The following PPP2R2B variants were observed in gnomAD, a reference collection of about 807,000 sequenced individuals.
PPP2R2B encodes serine/threonine-protein phosphatase 2A 55 kDa regulatory subunit B beta isoform.
In PPP2R2B, 5 loss-of-function variants were observed where a neutral mutation model predicts 46.0. The observed-to-expected ratio is 0.11, with a 90% CI of 0.06 to 0.23. PPP2R2B has a LOEUF of 0.23. Among genes scored for constraint, PPP2R2B ranks in the 10% least tolerant of loss-of-function variants. The pLI, the probability that PPP2R2B is intolerant of heterozygous loss-of-function variation, is 1.00. For missense variants in PPP2R2B, 367 were observed against 575.0 expected (o/e 0.64, Z 3.70); for synonymous variants, 215 against 206.7 (o/e 1.04, Z -0.34).
chr5:146,779,080 C>T (rs1291878137), intron 2 of PPP2R2B, among the ~76,000 whole-genome samples: 1 of 152,160 alleles, frequency 6.6e-6, no homozygotes, highest in Non-Finnish European at 1.5e-5. Flanking sequence ...TGAGCCAATC[C>T]ATCTGGGAAA....
chr5:147,064,966 T>C (rs1757377764), intron 2 of PPP2R2B, among the ~76,000 whole-genome samples: 1 of 152,220 alleles, frequency 6.6e-6, no homozygotes, highest in African/African-American at 2.4e-5. Flanking sequence ...CTAGTATTCT[T>C]TCATTTACTT....
intron 2 of PPP2R2B, among the ~76,000 whole-genome samples, chr5:147,078,653 A>G (rs1051829821): frequency 1.3e-5 from 2 of 151,964 alleles, no homozygotes; most frequent in African/African-American, 4.8e-5. Flanking sequence ...AAAATTAAAA[A>G]AAAATAAGCT....
intron 2 of PPP2R2B, among the ~76,000 whole-genome samples, chr5:146,801,490 G>T (rs1756863163): frequency 6.6e-6 from 1 of 152,046 alleles, no homozygotes; most frequent in African/African-American, 2.4e-5. Context: ...AAAGAATAGG[G>T]CCCCTTTATA....
Position 146,958,005 on chromosome 5 carries a change from G to A in PPP2R2B, c.79+97660C>T, listed in dbSNP as rs572196454. Among the ~76,000 whole-genome samples the A allele has an allele frequency of 1.1e-4, 16 of 152,068 alleles. 1 individual carries two copies. In the South Asian group the frequency reaches 1.7e-3, roughly 16 times the overall value. ...AACCTAGGACTGACAGAAAAGGGTC[G>A]AATAATGAGGGAAGTAGGAAAATCT... On this transcript the variant is annotated intron_variant, in intron 1 of 8. Coordinates refer to the PPP2R2B transcript ENST00000336640.
intron 2 of PPP2R2B, among the ~76,000 whole-genome samples, chr5:146,868,530 C>T (rs990393255): frequency 1.3e-5 from 2 of 152,164 alleles, no homozygotes; most frequent in East Asian, 3.9e-4. Flanking sequence ...CTTCCCTCCC[C>T]CATCTTCAAC....
At chr5:146,812,614 T>TTA (rs539834095) in intron 2 of PPP2R2B, among the ~76,000 whole-genome samples, 2 of 14,756 alleles carry the variant, frequency 1.4e-4, no homozygotes, top group Admixed American at 1.1e-3. Flanking sequence ...TAGAGTTACT[T>TTA]TATATATATA....
At chr5:146,865,309 C>CAA (rs1319762275) in intron 2 of PPP2R2B, among the ~76,000 whole-genome samples, 1 of 151,902 alleles carries the variant, frequency 6.6e-6, no homozygotes, top group Non-Finnish European at 1.5e-5. Flanking sequence ...CACACACACA[C>CAA]ACACACACAC....
Position 146,878,349 on chromosome 5 carries a change from C to T in PPP2R2B, c.-124-154G>A, listed in dbSNP as rs1043240224. ...TTCCCAGCGAGGATGCTGCGCCTGC[C>T]TCCGCTGCCTCCGGGTGCCAAGATA... On this transcript the variant is annotated intron_variant, in intron 1 of 9. Transcript: ENST00000394411. The surrounding 1 kb of genome is among the most constrained non-coding windows in gnomAD (Gnocchi z 4.5). 5.6e-6 allele frequency: 8 copies of T among 1,436,354 alleles called. No homozygotes were observed. The highest frequency in any genetic ancestry group is 7.3e-6 in the Non-Finnish European group (8 of 1,101,792). 89.0% of individuals were successfully genotyped at this position (1,436,354 alleles called of 1,614,324 possible).
At chr5:146,874,394 T>G (rs1248340029) in intron 2 of PPP2R2B, among the ~76,000 whole-genome samples, 1 of 152,326 alleles carries the variant, frequency 6.6e-6, no homozygotes, top group Non-Finnish European at 1.5e-5. Context: ...AGACAGTTTT[T>G]TAAAAAGGCT....
intron 1 of PPP2R2B, among the ~76,000 whole-genome samples, chr5:147,048,023 T>G (rs1756620591): frequency 6.6e-6 from 1 of 152,166 alleles, no homozygotes; most frequent in African/African-American, 2.4e-5. Context: ...CTGAGATTCC[T>G]GGGGCCCAGT....
chr5:146,994,648 T>G (rs924838204), intron 1 of PPP2R2B, among the ~76,000 whole-genome samples: 2 of 152,022 alleles, frequency 1.3e-5, no homozygotes, highest in Non-Finnish European at 2.9e-5. Flanking sequence ...CTCCCAGGAG[T>G]GTTAATTCCC....
chr5:146,877,882 C>T (rs1761990380), intron 2 of PPP2R2B, 120 bp downstream of exon 2: 10 of 1,224,598 alleles, frequency 8.2e-6, no homozygotes, highest in Non-Finnish European at 1.1e-5. Context: ...AGCCGAGCCC[C>T]CGCCCCAGCC....
At chr5:146,738,036 T>C (rs1020915971) in intron 2 of PPP2R2B, among the ~76,000 whole-genome samples, 1 of 152,078 alleles carries the variant, frequency 6.6e-6, no homozygotes, top group African/African-American at 2.4e-5. Context: ...CAACACATGA[T>C]TGTCACTCTC....
intron 7 of PPP2R2B, among the ~76,000 whole-genome samples, chr5:146,631,605 C>G (rs1774428039): frequency 6.6e-6 from 1 of 152,190 alleles, no homozygotes; most frequent in Admixed American, 6.5e-5. Context: ...TGGGGAACCT[C>G]TCCCTTCAAG....
intron 7 of PPP2R2B, 107 bp downstream of exon 7, chr5:146,638,144 C>T: frequency 8.5e-7 from 1 of 1,181,304 alleles, no homozygotes; most frequent in African/African-American, 1.5e-5. Context: ...AGTTTCTTTA[C>T]TCCTAGTGTG....
At chr5:147,034,511 A>C (rs969419570) in intron 1 of PPP2R2B, among the ~76,000 whole-genome samples, 3 of 152,160 alleles carry the variant, frequency 2.0e-5, no homozygotes, top group African/African-American at 7.2e-5. Flanking sequence ...TCAAGCTCTC[A>C]TGCCACTGCT....
At chr5:146,701,205 T>C (rs756272925) in intron 2 of PPP2R2B, 63 bp from the exon 3 acceptor site, 76 of 1,313,576 alleles carry the variant, frequency 5.8e-5, no homozygotes, top group Middle Eastern at 1.8e-4. Flanking sequence ...GGATAGATAA[T>C]AGATATACTT....
At position 146,638,329 on chromosome 5, in the gene PPP2R2B, A is replaced by G. The variant is rs1254238405; in HGVS notation, c.712T>C (p.Phe238Leu). 2 of 1,613,772 alleles carry G rather than the reference A, an allele frequency of 1.2e-6. No individual in the cohort carries two copies. Among genetic ancestry groups the G allele is most frequent in the African/African-American group, 2.7e-5 (2 of 74,916 alleles). ...GTCCCTTTGCTGCTGCTGTACACGA[A>G]GGTGTTGCAATGATGGGGGTGGAAC... ...AEFHPHHCNT[F>L]VYSSSKGTIR... Residue 238 changes from phenylalanine to leucine, a missense_variant, in exon 7 of 10, where the codon TTC (phenylalanine) becomes CTC (leucine). By Grantham distance (22) the Phe-to-Leu change is conservative. Coordinates refer to ENST00000394411, the MANE Select transcript of PPP2R2B (RefSeq NM_181675.4).
chr5:146,811,837 G>T (rs1205657339), intron 2 of PPP2R2B, among the ~76,000 whole-genome samples: 1 of 151,614 alleles, frequency 6.6e-6, no homozygotes, highest in East Asian at 1.9e-4. Context: ...AAAGTGCTGG[G>T]ATTACAGGTG....
Sources: gnomAD v4.1 joint callset for allele counts (sites outside exome capture counted in the v4.1 genomes callset) on GRCh38, gnomAD v4.1.1 for gene constraint, Gnocchi (gnomAD v3.1) non-coding constraint, MANE v1.5 for transcripts, NCBI Gene and HGNC (gene_info 2026-07-23, HGNC 2026-07-21) for gene names.